SMG6: variants seen among roughly 807,000 people sequenced by gnomAD.
SMG6 encodes SMG6 nonsense mediated mRNA decay factor, also known as telomerase-binding protein EST1A.
Under a neutral mutation model 142.2 loss-of-function variants are expected in SMG6, and 66 were observed. That is an observed-to-expected ratio of 0.46 (90% CI 0.38 to 0.57). The LOEUF is 0.57. SMG6 is among the 20% of genes least tolerant of loss of function. The pLI, the probability that SMG6 is intolerant of heterozygous loss-of-function variation, is 0.00. For missense variants in SMG6, 1,793 were observed against 1,832.0 expected, an observed-to-expected ratio of 0.98 and a Z score of 0.39; for synonymous variants, 779 against 702.4, an observed-to-expected ratio of 1.11 and a Z score of -1.72.
chr17:2,150,544 G>A (rs150615952), intron 13 of SMG6, among the ~76,000 whole-genome samples: 3,433 of 151,314 alleles, frequency 0.023, 58 homozygotes, highest in South Asian at 0.065. Context: ...GATCCCCAAA[G>A]GACACAGCTA....
chr17:2,183,687 T>C (rs948222415), intron 12 of SMG6, among the ~76,000 whole-genome samples: 5 of 151,954 alleles, frequency 3.3e-5, no homozygotes, highest in African/African-American at 1.2e-4. Flanking sequence ...CATTTAAAAA[T>C]GTAAACCATT....
chr17:2,287,677 T>C (rs1474988138), intron 6 of SMG6, among the ~76,000 whole-genome samples: 1 of 152,164 alleles, frequency 6.6e-6, no homozygotes, highest in Non-Finnish European at 1.5e-5. Flanking sequence ...AACGTACATA[T>C]AAAATGTGGT....
At chr17:2,084,986 A>G (rs1174411561) in intron 14 of SMG6, among the ~76,000 whole-genome samples, 1 of 152,220 alleles carries the variant, frequency 6.6e-6, no homozygotes, top group African/African-American at 2.4e-5. Flanking sequence ...AAACTGACAC[A>G]CAAACCCAGC....
At chr17:2,258,058 C>T (rs201230944) in intron 8 of SMG6, among the ~76,000 whole-genome samples, 32,880 of 94,944 alleles carry the variant, frequency 0.35, 6,220 homozygotes, top group East Asian at 0.64. Context: ...CACACACACA[C>T]ACACACACAT....
intron 13 of SMG6, among the ~76,000 whole-genome samples, chr17:2,102,528 ATTTTTTT>A (rs374584197): frequency 1.2e-4 from 10 of 81,608 alleles, no homozygotes; most frequent in South Asian, 8.5e-4. Flanking sequence ...TGCTAATTTC[ATTTTTTT>A]TTTTTTTTTT....
At chr17:2,208,834 T>TA (rs374997466) in intron 10 of SMG6, among the ~76,000 whole-genome samples, 12 of 152,318 alleles carry the variant, frequency 7.9e-5, no homozygotes, top group African/African-American at 2.6e-4. Context: ...AACATGAATA[T>TA]AAAACCACTA....
intron 12 of SMG6, among the ~76,000 whole-genome samples, chr17:2,179,199 G>A (rs1445866919): frequency 6.6e-6 from 1 of 152,182 alleles, no homozygotes; most frequent in Admixed American, 6.5e-5. Flanking sequence ...GGGTAGCAAA[G>A]GGGCTTCCCA....
intron 14 of SMG6, among the ~76,000 whole-genome samples, chr17:2,083,323 G>C (rs141168681): frequency 2.8e-4 from 43 of 152,210 alleles, no homozygotes; most frequent in African/African-American, 9.7e-4. Context: ...GGTAGATGAC[G>C]GGGGTATACT....
rs140286022 is a variant in SMG6, at chr17:2,279,022, C to A, written c.2661+3625G>T. On this transcript the variant is annotated intron_variant, in intron 8 of 18. Coordinates refer to ENST00000263073, the MANE Select transcript of SMG6 (RefSeq NM_017575.5). ...CACACTAGATATGACTCTACTCTCA[C>A]AGGGCCTTCAATCTAGCAAGGGAAA... 9.5e-4 allele frequency among the ~76,000 whole-genome samples: 144 copies of A among 152,246 alleles called. 3 individuals carry two copies. The highest frequency in any genetic ancestry group is 3.3e-3 in the African/African-American group (138 of 41,550).
chr17:2,223,012 C>CGT (rs915578261), intron 10 of SMG6, among the ~76,000 whole-genome samples: 2 of 152,212 alleles, frequency 1.3e-5, no homozygotes, highest in African/African-American at 4.8e-5. Flanking sequence ...AACAGGATGA[C>CGT]GTCACAGGTG....
chr17:2,252,395 A>C (rs1270139253), intron 8 of SMG6, among the ~76,000 whole-genome samples: 1 of 103,050 alleles, frequency 9.7e-6, no homozygotes, highest in South Asian at 3.5e-4. Flanking sequence ...CAAGACTCCA[A>C]CTCAAAAAAA....
rs140472144 is a variant in SMG6, at chr17:2,299,701, C to G, written c.1052G>C (p.Arg351Pro). 9.9e-6 allele frequency: 16 copies of G among 1,614,082 alleles called. No individual in the cohort carries two copies. Among genetic ancestry groups the G allele is most frequent in the South Asian group, 2.2e-5 (2 of 91,094 alleles). The change falls in exon 2 of 19, where the codon CGT (arginine) becomes CCT (proline). Residue 351 changes from arginine (R) to proline (P), a missense_variant. Physicochemically the swap from Arg to Pro is moderately radical, Grantham distance 103 (BLOSUM62 -2). Around this residue, in one of 3 missense-constraint regions of SMG6, gnomAD observed 1,597 missense variants for 1,584.6 expected, o/e 1.01. Coordinates refer to ENST00000263073, the MANE Select transcript of SMG6 (RefSeq NM_017575.5). This position sits in a 1 kb window ranked among gnomAD's most constrained non-coding sequence, Gnocchi z 4.3. ...NSAKEYRGTLRVTFDAEAMNK... is the reference protein window; with the variant it reads ...NSAKEYRGTLPVTFDAEAMNK... ...CATGGCTTCTGCATCGAAAGTGACA[C>G]GAAGAGTGCCTCGATATTCTTTAGC...
chr17:2,204,311 C>G (rs995003036), intron 10 of SMG6, among the ~76,000 whole-genome samples: 11 of 152,220 alleles, frequency 7.2e-5, no homozygotes, highest in African/African-American at 2.4e-4. Context: ...TTTGAGGGGT[C>G]AGTACTGAAA....
rs149746777 is a variant in SMG6 at position 2,081,916 on chromosome 17, T to C, written c.3575A>G (p.Glu1192Gly). The stretch of plus-strand genomic sequence containing the variant: ...ATCCTCGCCTCCGCTGCCTTCAGCC[T>C]CTGAATCTTCCTCAAAGTCTTCAAT... Reference protein sequence around the residue: ...VVIEDFEEDSEAEGSGGEDDI... With the variant: ...VVIEDFEEDSGAEGSGGEDDI... The change falls in exon 15 of 19, where the codon GAG becomes GGG. Residue 1192 changes from glutamate (E) to glycine (G), a missense_variant. Physicochemically the swap from Glu to Gly is moderately conservative, Grantham distance 98 (BLOSUM62 -2). Around this residue, in one of 3 missense-constraint regions of SMG6, gnomAD observed 1,597 missense variants for 1,584.6 expected, o/e 1.01. Transcript: ENST00000263073. The C allele has an allele frequency of 6.2e-7, 1 of 1,614,180 alleles. No individual in the cohort carries two copies. The highest frequency in any genetic ancestry group is 1.3e-5 in the African/African-American group (1 of 75,058).
At chr17:2,197,070 T>C (rs1484241332) in intron 10 of SMG6, among the ~76,000 whole-genome samples, 1 of 152,134 alleles carries the variant, frequency 6.6e-6, no homozygotes, top group Non-Finnish European at 1.5e-5. Context: ...CTTCAGGACC[T>C]AGGACTAAGA....
chr17:2,267,061 C>T (rs2074437164), intron 8 of SMG6, among the ~76,000 whole-genome samples: 1 of 152,212 alleles, frequency 6.6e-6, no homozygotes, highest in African/African-American at 2.4e-5. Context: ...CTGCAGTTCA[C>T]ACACTTTTCA....
At chr17:2,072,737 C>T (rs1191143864) in intron 15 of SMG6, 1 of 152,170 alleles carries the variant, frequency 6.6e-6, no homozygotes, top group Admixed American at 6.5e-5. Flanking sequence ...CTGAGGTCTT[C>T]CTTCTGCTTA....
At chr17:2,222,692 GTTT>G (rs2073211428) in intron 10 of SMG6, among the ~76,000 whole-genome samples, 1 of 151,976 alleles carries the variant, frequency 6.6e-6, no homozygotes, top group Non-Finnish European at 1.5e-5. Context: ...GTGTGTGCAT[GTTT>G]GGGAAGGAAC....
chr17:2,098,025 G>A (rs1048945802), intron 13 of SMG6, among the ~76,000 whole-genome samples: 5 of 151,982 alleles, frequency 3.3e-5, no homozygotes, highest in Non-Finnish European at 5.9e-5. Context: ...GTCTTGCTCT[G>A]TCCCTCAGGC....
Sources: allele counts gnomAD v4.1 joint callset (sites outside exome capture counted in the v4.1 genomes callset), GRCh38; gene constraint gnomAD v4.1.1; regional missense constraint gnomAD v4.1.1; non-coding constraint Gnocchi (gnomAD v3.1); transcripts MANE v1.5; gene names NCBI Gene and HGNC (gene_info 2026-07-23, HGNC 2026-07-21).